Variants in QSOX2 observed in about 807,000 individuals in gnomAD.
QSOX2 encodes the protein quiescin sulfhydryl oxidase 2.
Under a neutral mutation model 61.7 loss-of-function variants are expected in QSOX2, and 46 were observed. The ratio of observed to expected loss-of-function variants is 0.75; its 90% CI spans 0.59 to 0.95. The LOEUF (loss-of-function observed/expected upper bound fraction) is 0.95. Among genes scored for constraint, QSOX2 ranks in the 40% least tolerant of loss-of-function variants. The pLI, the probability that QSOX2 is intolerant of heterozygous loss-of-function variation, is 0.00. For synonymous variants in QSOX2, 383 were observed against 388.4 expected (o/e 0.99, Z 0.16); for missense variants, 879 against 918.9 (o/e 0.96, Z 0.56).
chr9:136,208,723 G>A lies in QSOX2; in HGVS notation c.*5C>T. On this transcript the variant is annotated 3_prime_UTR_variant, in exon 12 of 12. Transcript: ENST00000358701. ...CTTCCGCCGTGGCTGGCAGCACCCGGGCACTCACACGGCCGGGTGGTGGTG... is the reference window on the plus strand; with the variant it reads ...CTTCCGCCGTGGCTGGCAGCACCCGAGCACTCACACGGCCGGGTGGTGGTG... The A allele has an allele frequency of 1.9e-6, 3 of 1,599,302 alleles. No individual in the cohort carries two copies. The highest frequency in any genetic ancestry group is 2.6e-6 in the Non-Finnish European group (3 of 1,169,586).
intron 2 of QSOX2, among the ~76,000 whole-genome samples, chr9:136,225,996 C>T (rs1470053315): frequency 6.6e-6 from 1 of 152,180 alleles, no homozygotes; most frequent in African/African-American, 2.4e-5. Context: ...GACACCGGTG[C>T]CGCCCAGCGT....
intron 6 of QSOX2, 63 bp from the exon 7 acceptor site, chr9:136,219,227 C>T (rs922039724): frequency 1.7e-5 from 27 of 1,570,086 alleles, no homozygotes; most frequent in African/African-American, 2.7e-5. Flanking sequence ...AAGTAGGAGC[C>T]GTGGCATTCA....
rs191471628 is a variant in QSOX2, at chr9:136,230,966, G to A, written c.329-4092C>T. Reference sequence around the variant, plus strand: ...CATCTATTTCACAATTTGAACACAGGTAACACCTCAGCAAGGACTTCCCTG... The same window carrying A: ...CATCTATTTCACAATTTGAACACAGATAACACCTCAGCAAGGACTTCCCTG... On this transcript the variant is annotated intron_variant, in intron 1 of 11. Transcript: ENST00000358701. Among the ~76,000 whole-genome samples, 59 of 152,276 alleles carry A rather than the reference G, an allele frequency of 3.9e-4. 1 individual carries two copies. The East Asian group carries it at 8.9e-3, about 23-fold the overall frequency.
Position 136,223,798 on chromosome 9 carries a change from C to T in QSOX2, c.640G>A (p.Val214Ile), listed in dbSNP as rs1354458415. The change falls in exon 5 of 12, where the codon GTC becomes ATC. Residue 214 changes from valine to isoleucine, a missense_variant. By Grantham distance (29) the Val-to-Ile change is conservative. Coordinates refer to ENST00000358701, the MANE Select transcript of QSOX2 (RefSeq NM_181701.4). This position sits in a 1 kb window ranked among gnomAD's most constrained non-coding sequence, Gnocchi z 4.4. Reference sequence around the variant, plus strand: ...AGGTAGGAGCTGTTGCTTTCAAAGACAATAGCCACGTAATGGCTGCCACGG... The same window carrying T: ...AGGTAGGAGCTGTTGCTTTCAAAGATAATAGCCACGTAATGGCTGCCACGG... ...DNRGSHYVAIVFESNSSYLGR... is the reference protein window; with the variant it reads ...DNRGSHYVAIIFESNSSYLGR... 2.5e-6 allele frequency: 4 copies of T among 1,613,904 alleles called. No individual in the cohort carries two copies. The highest frequency in any genetic ancestry group is 2.5e-6 in the Non-Finnish European group (3 of 1,180,026).
In QSOX2 at chr9:136,208,934, C is replaced by T. The variant is rs771629774; in HGVS notation, c.1891G>A (p.Gly631Arg). The stretch of plus-strand genomic sequence containing the variant: ...GGCCCATCCAGACTCTGGAGTTTCC[C>T]GTCCAAGCTGTGATGCAAGCTCTCT... ...LPESLHHSLDGKLQSLDGPGA... is the reference protein window; with the variant it reads ...LPESLHHSLDRKLQSLDGPGA... Residue 631 changes from glycine (G) to arginine (R), a missense_variant, in exon 12 of 12, where the codon GGG (glycine) becomes AGG (arginine). Transcript: ENST00000358701. 11 of 1,613,742 alleles carry T rather than the reference C, an allele frequency of 6.8e-6. No homozygotes were observed. Among genetic ancestry groups the T allele is most frequent in the South Asian group, 2.2e-5 (2 of 91,066 alleles).
chr9:136,215,108 G>C (rs1422686083), intron 10 of QSOX2, 46 bp downstream of exon 10: 14 of 1,594,780 alleles, frequency 8.8e-6, no homozygotes, highest in Non-Finnish European at 1.2e-5. Flanking sequence ...GGGTTAACTT[G>C]TTAGGCAGAC....
At chr9:136,211,703 G>A (rs1438121562) in intron 10 of QSOX2, among the ~76,000 whole-genome samples, 5 of 152,244 alleles carry the variant, frequency 3.3e-5, no homozygotes, top group African/African-American at 1.2e-4. Context: ...ATGCTCCCCA[G>A]ATGCCCTGGT....
At chr9:136,237,127 C>G (rs979745793) in intron 1 of QSOX2, among the ~76,000 whole-genome samples, 16 of 148,232 alleles carry the variant, frequency 1.1e-4, no homozygotes, top group South Asian at 4.3e-4. Flanking sequence ...TGGAGCCCAT[C>G]CTGGGCCGGC....
intron 6 of QSOX2, among the ~76,000 whole-genome samples, chr9:136,219,968 T>A (rs948115334): frequency 1.4e-4 from 22 of 152,204 alleles, no homozygotes; most frequent in African/African-American, 5.3e-4. Flanking sequence ...ACTCAGAGCA[T>A]CTCCCAACAA....
At position 136,224,895 on chromosome 9, in the gene QSOX2, A is replaced by G; in HGVS notation, c.444T>C (p.Phe148=). Residue 148 remains phenylalanine (F), a synonymous_variant, in exon 3 of 12, where the codon TTT becomes TTC. Coordinates refer to ENST00000358701, the MANE Select transcript of QSOX2 (RefSeq NM_181701.4). ...TTTCTCCAGTTGTAAACTCCTTTGT[A>G]AATGCTTTAAAATACTAAGAGGAAA... The part of the protein sequence containing the change: ...FYPTFRYFKA[F]TKEFTTGENF... 6.2e-7 allele frequency: 1 copy of G among 1,604,098 alleles called. No individual in the cohort carries two copies. Among genetic ancestry groups the G allele is most frequent in the South Asian group, 1.1e-5 (1 of 89,546 alleles).
chr9:136,216,858 C>T (rs545713778), intron 8 of QSOX2, 136 bp from the exon 9 acceptor site: 12 of 1,130,178 alleles, frequency 1.1e-5, no homozygotes, highest in South Asian at 2.9e-5. Flanking sequence ...TCTCATAACT[C>T]GGGTTTCTCT....
Position 136,207,854 on chromosome 9 carries a change from C to G in QSOX2, c.*874G>C, listed in dbSNP as rs1831787753. 6.6e-6 allele frequency: 1 copy of G among 152,276 alleles called. No individual in the cohort carries two copies. The highest frequency in any genetic ancestry group is 6.5e-5 in the Admixed American group (1 of 15,286). The allele number at this position is 152,276 out of a possible 1,614,324, so 9.4% of individuals were successfully genotyped here. ...TGTGCTCTAAGCACTGCCCGCTGAG[C>G]CCAGAGCTGCCCTCCAGGCACCCGC... On this transcript the variant is annotated 3_prime_UTR_variant, in exon 12 of 12. Transcript: ENST00000358701.
In QSOX2 at chr9:136,223,749, C is replaced by A. The variant is rs774453898; in HGVS notation, c.675+14G>T. 4.3e-6 allele frequency: 7 copies of A among 1,610,802 alleles called. No homozygotes were observed. In the Admixed American group the frequency reaches 6.7e-5, roughly 15 times the overall value. Reference sequence around the variant, plus strand: ...CACCACGTGTGACACCTGGAGCCCACGCAGAGGCCGTACCTCCCGTCCAAG... The same window carrying A: ...CACCACGTGTGACACCTGGAGCCCAAGCAGAGGCCGTACCTCCCGTCCAAG... On this transcript the variant is annotated intron_variant, in intron 5 of 11. Transcript: ENST00000358701. The surrounding 1 kb of genome is among the most constrained non-coding windows in gnomAD (Gnocchi z 4.4).
At chr9:136,212,178 T>G (rs1831854657) in intron 10 of QSOX2, among the ~76,000 whole-genome samples, 1 of 152,038 alleles carries the variant, frequency 6.6e-6, no homozygotes, top group African/African-American at 2.4e-5. Flanking sequence ...TGCCCACAGG[T>G]GGCAGGAAGC....
chr9:136,208,311 CG>C lies in QSOX2; in HGVS notation c.*416del, dbSNP rs1272403221. The C allele has an allele frequency of 0.026, 165 of 6,416 alleles. No homozygotes were observed. The highest frequency in any genetic ancestry group is 0.037 in the Non-Finnish European group (130 of 3,538). The allele number at this position is 6,416 out of a possible 1,614,324, so 0.4% of individuals were successfully genotyped here. The stretch of plus-strand genomic sequence containing the variant: ...GGGAGTGGGGGGGAGCCAGGAGCCG[CG>C]GGGGGGATGGGCGAGGTTCTCCAAA... On this transcript the variant is annotated 3_prime_UTR_variant, in exon 12 of 12. Transcript: ENST00000358701.
rs768297352 is a variant in QSOX2 at position 136,224,022 on chromosome 9, C to T, written c.569G>A (p.Arg190His). Residue 190 changes from arginine (R) to histidine (H), a missense_variant, in exon 4 of 12, where the codon CGC (arginine) becomes CAC (histidine). By Grantham distance (29) the Arg-to-His change is conservative (BLOSUM62 0). Transcript: ENST00000358701. ...AGCTACTCACTGAATGGGGTCTAGG[C>T]GCGGGCAGGCAGGGGGCCGGCTTCC... is the stretch of plus-strand genomic sequence containing the variant. ...TEGSRPPACPRLDPIQPSDVL... is the reference protein window; with the variant it reads ...TEGSRPPACPHLDPIQPSDVL... 10 of 1,613,766 alleles carry T rather than the reference C, an allele frequency of 6.2e-6. No homozygotes were observed. Among genetic ancestry groups the T allele is most frequent in the South Asian group, 2.2e-5 (2 of 91,050 alleles).
Position 136,208,525 on chromosome 9 carries a change from AT to A in QSOX2, c.*202del. ...ACTTGAGTACGCCAGGAATGCAAAT[AT>A]CCCCACAAAATTACCCCGTGTTCTT... On this transcript the variant is annotated 3_prime_UTR_variant, in exon 12 of 12. Coordinates refer to ENST00000358701, the MANE Select transcript of QSOX2 (RefSeq NM_181701.4). 8.5e-6 allele frequency: 5 copies of A among 585,278 alleles called. No individual in the cohort carries two copies. The South Asian group carries it at 1.1e-4, about 13-fold the overall frequency. 36.3% of individuals were successfully genotyped at this position (585,278 alleles called of 1,614,324 possible).
chr9:136,233,086 G>GA (rs1158436339), intron 1 of QSOX2, among the ~76,000 whole-genome samples: 4 of 152,142 alleles, frequency 2.6e-5, no homozygotes, highest in African/African-American at 7.2e-5. Context: ...AGTCGGGAGA[G>GA]GCTGACTCTG....
At chr9:136,211,157 C>T (rs535055935) in intron 11 of QSOX2, 107 bp downstream of exon 11, 159 of 1,258,284 alleles carry the variant, frequency 1.3e-4, no homozygotes, top group Non-Finnish European at 1.6e-4. Flanking sequence ...GGCACGAGGC[C>T]GCAAAGCTCA....
Sources: allele counts gnomAD v4.1 joint callset (sites outside exome capture counted in the v4.1 genomes callset), GRCh38; gene constraint gnomAD v4.1.1; non-coding constraint Gnocchi (gnomAD v3.1); transcripts MANE v1.5; gene names NCBI Gene and HGNC (gene_info 2026-07-23, HGNC 2026-07-21).